The following C2orf76 variants were observed in gnomAD, a reference collection of about 807,000 sequenced individuals.
C2orf76 encodes UPF0538 protein C2orf76.
C2orf76 carries 23 observed loss-of-function variants against 16.9 expected under a neutral mutation model. That is an observed-to-expected ratio of 1.36 (90% CI 0.98 to 1.93). The LOEUF (loss-of-function observed/expected upper bound fraction) is 1.93, where lower values mean the gene tolerates loss of function less well. Among genes scored for constraint, C2orf76 ranks in the 30% most tolerant of loss-of-function variants. C2orf76 has a pLI of 0.00. For missense variants in C2orf76, 152 were observed against 152.6 expected, an observed-to-expected ratio of 1.00 and a Z score of 0.02; for synonymous variants, 48 against 52.3, an observed-to-expected ratio of 0.92 and a Z score of 0.35.
chr2:119,334,707 T>TATAG (rs1679790948), intron 2 of C2orf76, among the ~76,000 whole-genome samples: 1 of 144,686 alleles, frequency 6.9e-6, no homozygotes, highest in Non-Finnish European at 1.5e-5. Flanking sequence ...AAACAAAATA[T>TATAG]ATATATATAT....
In C2orf76 at chr2:119,321,216, A is replaced by G; in HGVS notation, c.134-12T>C. Reference sequence around the variant, plus strand: ...CCTTAAAGGGATATCTACAAGAGAAAGATTATTTTTTTACACAATAAGCAA... The same window carrying G: ...CCTTAAAGGGATATCTACAAGAGAAGGATTATTTTTTTACACAATAAGCAA... On this transcript the variant is annotated splice_polypyrimidine_tract_variant and intron_variant, in intron 2 of 5. Transcript: ENST00000334816. 7.4e-7 allele frequency: 1 copy of G among 1,355,088 alleles called. No individual in the cohort carries two copies. Among genetic ancestry groups the G allele is most frequent in the South Asian group, 1.4e-5 (1 of 73,894 alleles). The allele number at this position is 1,355,088 out of a possible 1,614,324, so 83.9% of individuals were successfully genotyped here.
intron 5 of C2orf76, 54 bp from the exon 6 acceptor site, chr2:119,302,602 A>C: frequency 8.9e-7 from 1 of 1,119,876 alleles, no homozygotes. Flanking sequence ...CTAAATTTTA[A>C]ACAAGTATGG....
At chr2:119,326,049 T>C (rs1197371648) in intron 2 of C2orf76, among the ~76,000 whole-genome samples, 1 of 152,226 alleles carries the variant, frequency 6.6e-6, no homozygotes. Context: ...TTTTCATTTT[T>C]TTAGTATATT....
intron 1 of C2orf76, 170 bp from the exon 2 acceptor site, chr2:119,340,141 C>A: frequency 1.6e-6 from 1 of 618,954 alleles, no homozygotes. Context: ...CCAGAAGGGT[C>A]CCAGTGATTA....
chr2:119,281,774 C>G, the C2orf76 span, among the ~76,000 whole-genome samples: 1 of 151,786 alleles, frequency 6.6e-6, no homozygotes, highest in East Asian at 1.9e-4. Context: ...TGGTGGAGAC[C>G]CGCTCTCAAA....
chr2:119,289,398 C>T, the C2orf76 span, among the ~76,000 whole-genome samples: 1 of 152,006 alleles, frequency 6.6e-6, no homozygotes, highest in East Asian at 1.9e-4. Flanking sequence ...TGCATTAAAG[C>T]GCAGGGTGGC....
intron 1 of C2orf76, among the ~76,000 whole-genome samples, chr2:119,346,827 T>C (rs896228011): frequency 2.6e-5 from 4 of 152,226 alleles, no homozygotes; most frequent in Middle Eastern, 3.4e-3. Context: ...ATAAAACTAG[T>C]GAAATCTAAA....
chr2:119,348,685 T>TC lies in C2orf76; in HGVS notation c.-12-8715_-12-8714insG, dbSNP rs1336512038. Among the ~76,000 whole-genome samples, 3 of 151,116 alleles carry TC rather than the reference T, an allele frequency of 2.0e-5. No individual in the cohort carries two copies. The East Asian group carries it at 5.8e-4, about 29-fold the overall frequency. On this transcript the variant is annotated intron_variant, in intron 1 of 5. Coordinates refer to ENST00000334816, the MANE Select transcript of C2orf76 (RefSeq NM_001322331.2). Reference sequence around the variant, plus strand: ...TGGAAGACAAGAGTGGAACTCTGTCTTAAAAAAAAAAAGAAAAGAAGTTAA... The same window carrying TC: ...TGGAAGACAAGAGTGGAACTCTGTCTCTAAAAAAAAAAAGAAAAGAAGTTAA...
chr2:119,357,162 C>A (rs1349211768), intron 1 of C2orf76, among the ~76,000 whole-genome samples: 1 of 152,078 alleles, frequency 6.6e-6, no homozygotes, highest in Admixed American at 6.5e-5. Flanking sequence ...CAATTGTACA[C>A]AACCTCTTTC....
chr2:119,285,131 T>C, the C2orf76 span, among the ~76,000 whole-genome samples: 185 of 152,364 alleles, frequency 1.2e-3, no homozygotes, highest in African/African-American at 3.5e-3. Context: ...CATATTCTTA[T>C]TAAATTCTTA....
chr2:119,312,439 G>A (rs1478880700), intron 4 of C2orf76, among the ~76,000 whole-genome samples: 4 of 151,870 alleles, frequency 2.6e-5, no homozygotes, highest in Non-Finnish European at 4.4e-5. Context: ...TAGTAGAGAC[G>A]GGGTCTCACT....
intron 1 of C2orf76, among the ~76,000 whole-genome samples, chr2:119,347,087 G>A (rs189592837): frequency 3.9e-5 from 6 of 152,286 alleles, no homozygotes; most frequent in Admixed American, 3.9e-4. Context: ...TAAGACTGAC[G>A]GGGAACTTCA....
chr2:119,366,627 G>T (rs913272136), intron 1 of C2orf76, 163 bp downstream of exon 1: 4 of 419,732 alleles, frequency 9.5e-6, no homozygotes, highest in Non-Finnish European at 1.9e-5. Flanking sequence ...TCTTCAGGCC[G>T]GGCAAGATTT....
chr2:119,325,533 C>T (rs996511370), intron 2 of C2orf76, among the ~76,000 whole-genome samples: 1 of 149,156 alleles, frequency 6.7e-6, no homozygotes, highest in African/African-American at 2.5e-5. Flanking sequence ...GCAGGAGAAT[C>T]ACTTGACCCA....
chr2:119,339,892 G>A lies in C2orf76; in HGVS notation c.68C>T (p.Pro23Leu), dbSNP rs1679970308. ...IRSFEHRNFK[P>L]VVYHGVNLDQ... Reference sequence around the variant, plus strand: ...CAAATTCACTCCGTGATACACTACAGGTTTGAAATTGCGATGTTCAAAGGA... The same window carrying A: ...CAAATTCACTCCGTGATACACTACAAGTTTGAAATTGCGATGTTCAAAGGA... The change falls in exon 2 of 6, where the codon CCT becomes CTT. Residue 23 changes from proline to leucine, a missense_variant. Coordinates refer to ENST00000334816, the MANE Select transcript of C2orf76 (RefSeq NM_001322331.2). The A allele has an allele frequency of 6.2e-7, 1 of 1,613,246 alleles. No homozygotes were observed. The highest frequency in any genetic ancestry group is 8.5e-7 in the Non-Finnish European group (1 of 1,179,186).
chr2:119,307,324 C>T (rs2104537512), intron 5 of C2orf76, among the ~76,000 whole-genome samples: 1 of 152,120 alleles, frequency 6.6e-6, no homozygotes, highest in African/African-American at 2.4e-5. Context: ...CCTGTAATCC[C>T]AGCTACTCAG....
the C2orf76 span, among the ~76,000 whole-genome samples, chr2:119,294,530 C>T: frequency 6.6e-6 from 1 of 152,114 alleles, no homozygotes; most frequent in South Asian, 2.1e-4. Flanking sequence ...AGGTGGGGAG[C>T]CCAGGCACGA....
chr2:119,366,885 G>A (rs536330011), upstream of C2orf76: 1 of 862,648 alleles, frequency 1.2e-6, no homozygotes, highest in South Asian at 1.7e-5. Context: ...GGCTGGGCAC[G>A]CCCCTAGCGC....
intron 2 of C2orf76, 32 bp downstream of exon 2, chr2:119,339,795 T>C: frequency 6.4e-7 from 1 of 1,567,024 alleles, no homozygotes; most frequent in South Asian, 1.1e-5. Context: ...TAAAAACTAC[T>C]AGTAAAACAA....
Sources: allele counts gnomAD v4.1 joint callset (sites outside exome capture counted in the v4.1 genomes callset), GRCh38; gene constraint gnomAD v4.1.1; transcripts MANE v1.5; gene names NCBI Gene and HGNC (gene_info 2026-07-23, HGNC 2026-07-21).